NPAS3: variants seen among roughly 807,000 people sequenced by gnomAD.
NPAS3 encodes neuronal PAS domain-containing protein 3.
Under a neutral mutation model 73.1 loss-of-function variants are expected in NPAS3, and 14 were observed. The observed-to-expected ratio is 0.19, with a 90% confidence interval of 0.13 to 0.30. The LOEUF is 0.30. Ranked by LOEUF, NPAS3 falls within the 10% of genes least tolerant of loss-of-function variation. NPAS3 has a pLI of 1.00. For missense variants in NPAS3, 1,096 were observed against 1,250.0 expected, an observed-to-expected ratio of 0.88 and a Z score of 1.86; for synonymous variants, 620 against 541.5, an observed-to-expected ratio of 1.14 and a Z score of -2.01.
intron 6 of NPAS3, among the ~76,000 whole-genome samples, chr14:33,714,337 C>G (rs2060902112): frequency 6.6e-6 from 1 of 151,976 alleles, no homozygotes; most frequent in Admixed American, 6.6e-5. Context: ...CCGTCACTCT[C>G]CTACTGTAAC....
At chr14:33,741,559 G>A (rs184021830) in intron 7 of NPAS3, among the ~76,000 whole-genome samples, 36 of 152,236 alleles carry the variant, frequency 2.4e-4, no homozygotes, top group Non-Finnish European at 4.7e-4. Context: ...CCATTACAAC[G>A]TGGTTTCCAG....
At chr14:32,988,474 T>C (rs1163116893) in intron 1 of NPAS3, among the ~76,000 whole-genome samples, 1 of 152,210 alleles carries the variant, frequency 6.6e-6, no homozygotes, top group African/African-American at 2.4e-5. Flanking sequence ...AAAAGATTGA[T>C]TAAAATGTAA....
At chr14:33,184,135 G>A (rs369344174) in intron 2 of NPAS3, among the ~76,000 whole-genome samples, 6 of 152,250 alleles carry the variant, frequency 3.9e-5, no homozygotes, top group South Asian at 2.1e-4. Context: ...AGTCAAACAC[G>A]CACTTTGAGC....
intron 3 of NPAS3, among the ~76,000 whole-genome samples, chr14:33,302,271 G>A (rs758185977): frequency 6.6e-6 from 1 of 152,132 alleles, no homozygotes; most frequent in Non-Finnish European, 1.5e-5. Flanking sequence ...GGAAGAATAG[G>A]TAAGAACACT....
intron 2 of NPAS3, among the ~76,000 whole-genome samples, chr14:33,124,424 C>CT (rs1307887959): frequency 6.6e-6 from 1 of 152,128 alleles, no homozygotes; most frequent in African/African-American, 2.4e-5. Flanking sequence ...CACCATCACT[C>CT]TGTGTCTTTG....
chr14:33,020,632 C>CA (rs2039557763), intron 1 of NPAS3, among the ~76,000 whole-genome samples: 1 of 152,182 alleles, frequency 6.6e-6, no homozygotes, highest in Non-Finnish European at 1.5e-5. Flanking sequence ...ATTGCTTGGA[C>CA]AGCAAGGATC....
intron 4 of NPAS3, among the ~76,000 whole-genome samples, chr14:33,414,084 A>G (rs552712125): frequency 6.6e-6 from 1 of 152,266 alleles, no homozygotes; most frequent in African/African-American, 2.4e-5. Context: ...GACTCAGGTT[A>G]TGTGCATATT....
chr14:33,317,203 A>G (rs1278868370), intron 3 of NPAS3, among the ~76,000 whole-genome samples: 1 of 152,104 alleles, frequency 6.6e-6, no homozygotes, highest in Non-Finnish European at 1.5e-5. Context: ...CAGTGCTATT[A>G]ATGATTGAAT....
At chr14:33,124,736 A>C (rs1342389365) in intron 2 of NPAS3, among the ~76,000 whole-genome samples, 1 of 152,184 alleles carries the variant, frequency 6.6e-6, no homozygotes, top group Non-Finnish European at 1.5e-5. Context: ...GAATATTTAA[A>C]TAAGAGGGCA....
intron 3 of NPAS3, among the ~76,000 whole-genome samples, chr14:33,313,968 A>G (rs970150256): frequency 6.6e-5 from 10 of 152,090 alleles, no homozygotes; most frequent in African/African-American, 1.9e-4. Context: ...AATATTTCCA[A>G]TGTACATAGC....
intron 5 of NPAS3, among the ~76,000 whole-genome samples, chr14:33,594,835 T>C (rs1393631336): frequency 1.3e-5 from 2 of 152,192 alleles, no homozygotes; most frequent in Non-Finnish European, 2.9e-5. Flanking sequence ...ATGAAAGTCA[T>C]CCCAAATGGT....
At chr14:33,543,899 A>G (rs1481324118) in intron 4 of NPAS3, among the ~76,000 whole-genome samples, 1 of 118,714 alleles carries the variant, frequency 8.4e-6, no homozygotes, top group Non-Finnish European at 1.8e-5. Context: ...TTCAGTTCCC[A>G]GCTGTGTGAT....
At chr14:33,128,262 G>T (rs570861130) in intron 2 of NPAS3, among the ~76,000 whole-genome samples, 68 of 152,146 alleles carry the variant, frequency 4.5e-4, no homozygotes, top group Non-Finnish European at 8.2e-4. Context: ...ATTGGTTTAT[G>T]TACTTTAAAA....
At chr14:33,329,648 C>A (rs991349328) in intron 3 of NPAS3, among the ~76,000 whole-genome samples, 1 of 151,780 alleles carries the variant, frequency 6.6e-6, no homozygotes, top group Non-Finnish European at 1.5e-5. Flanking sequence ...GGCAGGGGCA[C>A]GATGGGGTAG....
chr14:33,793,765 TAC>T, intron 9 of NPAS3, 130 bp from the exon 10 acceptor site: 1 of 731,106 alleles, frequency 1.4e-6, no homozygotes, highest in Non-Finnish European at 2.2e-6. Flanking sequence ...ATATTAAGCA[TAC>T]AGAGGGTCAC....
intron 4 of NPAS3, among the ~76,000 whole-genome samples, chr14:33,406,466 A>G (rs10047941): frequency 0.14 from 21,560 of 152,082 alleles, 1,553 homozygotes; most frequent in Middle Eastern, 0.18. Context: ...TTAAGTGTCT[A>G]TGACTCTAAG....
At chr14:32,992,879 G>A (rs1018153680) in intron 1 of NPAS3, among the ~76,000 whole-genome samples, 1 of 152,116 alleles carries the variant, frequency 6.6e-6, no homozygotes, top group Non-Finnish European at 1.5e-5. Context: ...TCTCGGCAGG[G>A]TGTGGTGGCT....
At chr14:33,417,273 C>A (rs2048186119) in intron 4 of NPAS3, among the ~76,000 whole-genome samples, 1 of 151,866 alleles carries the variant, frequency 6.6e-6, no homozygotes, top group African/African-American at 2.4e-5. Context: ...GAATCAATAG[C>A]CATTAAAAAC....
At chr14:33,728,314 T>C (rs1011270283) in intron 6 of NPAS3, among the ~76,000 whole-genome samples, 11 of 152,224 alleles carry the variant, frequency 7.2e-5, no homozygotes, top group African/African-American at 2.7e-4. Flanking sequence ...AGGTGGGTTA[T>C]TTTTAACGTT....
Sources: allele counts gnomAD v4.1 joint callset (sites outside exome capture counted in the v4.1 genomes callset), GRCh38; gene constraint gnomAD v4.1.1; transcripts MANE v1.5; gene names NCBI Gene and HGNC (gene_info 2026-07-23, HGNC 2026-07-21).